Variants in ERBB4 observed in about 807,000 individuals in gnomAD.
ERBB4 encodes erb-b2 receptor tyrosine kinase 4.
Under a neutral mutation model 158.0 loss-of-function variants are expected in ERBB4, and 42 were observed. That is an observed-to-expected ratio of 0.27 (90% CI 0.21 to 0.34). The LOEUF is 0.34. ERBB4 is among the 10% of genes least tolerant of loss of function. The pLI, the probability that ERBB4 is intolerant of heterozygous loss-of-function variation, is 1.00. For synonymous variants in ERBB4, 583 were observed against 558.7 expected (o/e 1.04, Z -0.61); for missense variants, 1,333 against 1,624.1 (o/e 0.82, Z 3.08).
At chr2:212,309,004 A>G (rs1049155118) in intron 1 of ERBB4, among the ~76,000 whole-genome samples, 6 of 148,566 alleles carry the variant, frequency 4.0e-5, no homozygotes, top group African/African-American at 1.5e-4. Flanking sequence ...TAAAGTGTAT[A>G]AAATTGCTAC....
At chr2:211,773,557 T>TCTGTCA (rs1385058868) in intron 4 of ERBB4, among the ~76,000 whole-genome samples, 1 of 135,836 alleles carries the variant, frequency 7.4e-6, no homozygotes, top group East Asian at 2.3e-4. Flanking sequence ...GAATAAATAC[T>TCTGTCA]CTGTCACTTT....
Position 212,381,208 on chromosome 2 carries a change from A to T in ERBB4, c.82+157241T>A, listed in dbSNP as rs967787810. ...ATCCTAATTAATGCAAAATTACCAA[A>T]CCAAAATCTTACAAAAATTAGATGA... On this transcript the variant is annotated intron_variant, in intron 1 of 27. Coordinates refer to ENST00000342788, the MANE Select transcript of ERBB4 (RefSeq NM_005235.3). 2.6e-5 allele frequency among the ~76,000 whole-genome samples: 4 copies of T among 151,366 alleles called. No individual in the cohort carries two copies. In the South Asian group the frequency reaches 8.3e-4, roughly 31 times the overall value.
At chr2:211,515,915 T>TA (rs2066016945) in intron 20 of ERBB4, among the ~76,000 whole-genome samples, 1 of 104,458 alleles carries the variant, frequency 9.6e-6, no homozygotes. Context: ...TATATATATT[T>TA]TTTTTTTTTT....
At chr2:212,157,412 A>G (rs887269184) in intron 1 of ERBB4, among the ~76,000 whole-genome samples, 2 of 152,068 alleles carry the variant, frequency 1.3e-5, no homozygotes, top group African/African-American at 4.8e-5. Context: ...AATTAATTGA[A>G]TTAACCAGCA....
At chr2:211,850,438 ACTCT>A (rs1290891684) in intron 3 of ERBB4, among the ~76,000 whole-genome samples, 1 of 151,772 alleles carries the variant, frequency 6.6e-6, no homozygotes, top group Non-Finnish European at 1.5e-5. Flanking sequence ...TATAGGGTTT[ACTCT>A]CTCAAACAAC....
In ERBB4 at chr2:211,632,537, T is replaced by C. The variant is rs564405403; in HGVS notation, c.1947-1943A>G. ...CTTATTTATTTTGCAAAATAATAGG[T>C]GGTATACATATTTATGTAAATATAT... On this transcript the variant is annotated intron_variant, in intron 16 of 27. Transcript: ENST00000342788. Among the ~76,000 whole-genome samples the C allele has an allele frequency of 2.4e-3, 359 of 152,198 alleles. 2 individuals carry two copies. The highest frequency in any genetic ancestry group is 8.3e-3 in the African/African-American group (343 of 41,570).
chr2:211,396,484 A>G (rs1352174625), intron 25 of ERBB4, among the ~76,000 whole-genome samples: 2 of 152,210 alleles, frequency 1.3e-5, no homozygotes, highest in African/African-American at 4.8e-5. Flanking sequence ...GAAATATTCA[A>G]TCTTCTCTTT....
At chr2:211,689,912 G>A (rs1024771223) in intron 12 of ERBB4, among the ~76,000 whole-genome samples, 10 of 151,656 alleles carry the variant, frequency 6.6e-5, no homozygotes, top group East Asian at 3.9e-4. Context: ...ACGGTGTCAC[G>A]AGTCTCTCCG....
intron 1 of ERBB4, among the ~76,000 whole-genome samples, chr2:212,503,502 C>T (rs1398566589): frequency 1.3e-5 from 2 of 152,102 alleles, no homozygotes; most frequent in Non-Finnish European, 2.9e-5. Flanking sequence ...CATCTCAATG[C>T]AGTTTTGAAG....
At chr2:212,191,681 TTATACA>T (rs1559702959) in intron 1 of ERBB4, among the ~76,000 whole-genome samples, 6 of 53,554 alleles carry the variant, frequency 1.1e-4, no homozygotes, top group Non-Finnish European at 1.4e-4. Flanking sequence ...ATCGCGTGTG[TTATACA>T]TGTTACATAT....
rs76779135 is a variant in ERBB4, at chr2:212,160,174, G to A, written c.83-35271C>T. On this transcript the variant is annotated intron_variant, in intron 1 of 27. Transcript: ENST00000342788. Reference sequence around the variant, plus strand: ...CTTATGAACTTTGGGTTCAACTTACGCAGGTAAGACAAGAACCAATTAGTG... The same window carrying A: ...CTTATGAACTTTGGGTTCAACTTACACAGGTAAGACAAGAACCAATTAGTG... Among the ~76,000 whole-genome samples the A allele has an allele frequency of 4.1e-3, 619 of 151,880 alleles. 4 individuals carry two copies. Among genetic ancestry groups the A allele is most frequent in the African/African-American group, 0.014 (591 of 41,462 alleles).
chr2:211,946,184 C>G (rs1305718741), intron 3 of ERBB4, among the ~76,000 whole-genome samples: 1 of 151,978 alleles, frequency 6.6e-6, no homozygotes, highest in East Asian at 1.9e-4. Context: ...ATTATTTCAT[C>G]AACTCTATAG....
At chr2:211,728,295 C>T (rs1489515596) in intron 5 of ERBB4, among the ~76,000 whole-genome samples, 1 of 151,450 alleles carries the variant, frequency 6.6e-6, no homozygotes. Flanking sequence ...ATGTTTGTAA[C>T]TGTAACTGGC....
At chr2:212,526,536 A>T (rs935545507) in intron 1 of ERBB4, among the ~76,000 whole-genome samples, 3 of 152,078 alleles carry the variant, frequency 2.0e-5, no homozygotes, top group African/African-American at 7.2e-5. Flanking sequence ...ATCACCAGGG[A>T]CAATGGGCTG....
intron 1 of ERBB4, among the ~76,000 whole-genome samples, chr2:212,260,232 A>T (rs948062271): frequency 2.0e-5 from 3 of 152,180 alleles, no homozygotes; most frequent in African/African-American, 7.2e-5. Context: ...GGGATATGGT[A>T]TGCTAAAAAG....
intron 3 of ERBB4, 42 bp downstream of exon 3, chr2:211,947,388 T>G (rs779765673): frequency 2.0e-6 from 3 of 1,503,500 alleles, no homozygotes; most frequent in Non-Finnish European, 2.8e-6. Context: ...TGCCTTATAT[T>G]GATAATGAAA....
At chr2:211,506,131 C>G (rs888925772) in intron 20 of ERBB4, among the ~76,000 whole-genome samples, 1 of 151,924 alleles carries the variant, frequency 6.6e-6, no homozygotes, top group African/African-American at 2.4e-5. Context: ...GCAGGAGTAG[C>G]CATTCTTAGA....
intron 2 of ERBB4, among the ~76,000 whole-genome samples, chr2:212,019,806 TGGAA>T (rs1484958489): frequency 3.4e-5 from 4 of 117,324 alleles, no homozygotes; most frequent in Non-Finnish European, 5.6e-5. Context: ...AAAGAAAGAA[TGGAA>T]GGAAGGAAGG....
chr2:212,390,616 G>GT (rs2090826895), intron 1 of ERBB4, among the ~76,000 whole-genome samples: 1 of 151,806 alleles, frequency 6.6e-6, no homozygotes, highest in South Asian at 2.1e-4. Flanking sequence ...ATTACAAAAT[G>GT]TAATTCACTG....
Sources: gnomAD v4.1 joint callset for allele counts (sites outside exome capture counted in the v4.1 genomes callset) on GRCh38, gnomAD v4.1.1 for gene constraint, MANE v1.5 for transcripts, NCBI Gene and HGNC (gene_info 2026-07-23, HGNC 2026-07-21) for gene names.